The following LMTK3 variants were observed in gnomAD, a reference collection of about 807,000 sequenced individuals.
LMTK3 encodes serine/threonine-protein kinase LMTK3.
Under a neutral mutation model 116.7 loss-of-function variants are expected in LMTK3, and 27 were observed. The ratio of observed to expected loss-of-function variants is 0.23; its 90% confidence interval spans 0.17 to 0.32. The LOEUF is 0.32. Among genes scored for constraint, LMTK3 ranks in the 10% least tolerant of loss-of-function variants. The pLI is 1.00. For missense variants in LMTK3, 1,764 were observed against 2,068.5 expected (o/e 0.85, Z 2.86); for synonymous variants, 965 against 971.0 (o/e 0.99, Z 0.11).
chr19:48,491,372 G>A lies in LMTK3; in HGVS notation c.4228+32C>T. On this transcript the variant is annotated intron_variant, in intron 13 of 14. Transcript: ENST00000600059. This position sits in a 1 kb window ranked among gnomAD's most constrained non-coding sequence, Gnocchi z 5.1. ...CCGCCCCGTCCGCCCCATGGCTCCC[G>A]CCCCCTCCCGCCCCATAGGGCCCGT... The A allele has an allele frequency of 1.6e-6, 1 of 612,214 alleles. No individual in the cohort carries two copies. The highest frequency in any genetic ancestry group is 2.9e-5 in the South Asian group (1 of 34,060). 37.9% of individuals were successfully genotyped at this position (612,214 alleles called of 1,614,324 possible).
intron 5 of LMTK3, 104 bp from the exon 6 acceptor site, chr19:48,503,100 T>A (rs1466895641): frequency 2.7e-6 from 2 of 730,832 alleles, no homozygotes; most frequent in Non-Finnish European, 4.9e-6. Flanking sequence ...TTTTTTGTTG[T>A]TTTTGTTTGT....
At chr19:48,502,378 A>G (rs1601053033) in intron 7 of LMTK3, 55 bp downstream of exon 7, 1 of 1,516,858 alleles carries the variant, frequency 6.6e-7, no homozygotes, top group Non-Finnish European at 8.9e-7. Context: ...CTGAGGCCTC[A>G]CCTCCTTCCC....
rs1489083173 is a variant in LMTK3, at chr19:48,499,614, C to G, written c.1455G>C (p.Arg485=). 1.9e-6 allele frequency: 3 copies of G among 1,541,022 alleles called. No homozygotes were observed. The East Asian group carries it at 7.4e-5, about 38-fold the overall frequency. ...CCCCCCCACCCCGGCCGGCCCCACGCCGGGCCTTCTCCCACAGGCACTCGA... is the reference window on the plus strand; with the variant it reads ...CCCCCCCACCCCGGCCGGCCCCACGGCGGGCCTTCTCCCACAGGCACTCGA... ...LNLECLWEKA[R]RGAGRGGGAP... is the part of the protein sequence containing the mutation. The change falls in exon 11 of 15, where the codon CGG becomes CGC. Residue 485 remains arginine, a synonymous_variant. Transcript: ENST00000600059.
At chr19:48,492,528 C>A (rs374444170) in intron 12 of LMTK3, among the ~76,000 whole-genome samples, 7 of 152,126 alleles carry the variant, frequency 4.6e-5, no homozygotes, top group Admixed American at 6.5e-5. Context: ...TCTAAAGACC[C>A]GTCCCAGTCG....
chr19:48,487,621 G>A lies in LMTK3; in HGVS notation c.4367-1832C>T, dbSNP rs147848436. Reference sequence around the variant, plus strand: ...TTCCCTGTGGAAAGAGCTCTCCCCAGGAACTCCGACCAAACTTTCCTATGA... The same window carrying A: ...TTCCCTGTGGAAAGAGCTCTCCCCAAGAACTCCGACCAAACTTTCCTATGA... On this transcript the variant is annotated intron_variant, in intron 14 of 14. Coordinates refer to ENST00000600059, the MANE Select transcript of LMTK3 (RefSeq NM_001388485.1). Among the ~76,000 whole-genome samples, 19 of 152,232 alleles carry A rather than the reference G, an allele frequency of 1.2e-4. No individual in the cohort carries two copies. The East Asian group carries it at 3.7e-3, about 29-fold the overall frequency.
chr19:48,488,064 A>T (rs886829426), intron 14 of LMTK3, among the ~76,000 whole-genome samples: 6 of 152,048 alleles, frequency 3.9e-5, no homozygotes, highest in African/African-American at 9.7e-5. Context: ...GAGCGAAAGG[A>T]TTTGGGGTTT....
chr19:48,509,331 G>T, intron 4 of LMTK3, 106 bp downstream of exon 4: 1 of 1,019,396 alleles, frequency 9.8e-7, no homozygotes, highest in Non-Finnish European at 1.5e-6. Context: ...GGCATGGGGA[G>T]GAGGCGAGGG....
chr19:48,492,654 A>T (rs1601042420), intron 12 of LMTK3, among the ~76,000 whole-genome samples: 1 of 151,980 alleles, frequency 6.6e-6, no homozygotes, highest in African/African-American at 2.4e-5. Context: ...ATCTGCTCCA[A>T]CCCGAACCAG....
Position 48,499,212 on chromosome 19 carries a change from C to A in LMTK3, c.1857G>T (p.Glu619Asp). The A allele has an allele frequency of 2.9e-6, 4 of 1,398,134 alleles. No homozygotes were observed. Among genetic ancestry groups the A allele is most frequent in the Non-Finnish European group, 3.7e-6 (4 of 1,071,018 alleles). 86.6% of individuals were successfully genotyped at this position (1,398,134 alleles called of 1,614,324 possible). The change falls in exon 11 of 15, where the codon GAG becomes GAT. Residue 619 changes from glutamate to aspartate, a missense_variant. Glu to Asp is a conservative substitution (Grantham distance 45). This residue lies in a region of LMTK3 where 1,028 missense variants were observed against 1,050.6 expected (regional missense o/e 0.98). Coordinates refer to ENST00000600059, the MANE Select transcript of LMTK3 (RefSeq NM_001388485.1). ...CCTCGGCAGGGTCTCCCGCCAGGGT[C>A]TCCCCGGCGCCCCGGCCCTCGGGGT... ...GWDPEGRGAG[E>D]TLAGDPAEVL...
Position 48,501,265 on chromosome 19 carries a change from G to T in LMTK3, c.1001+18C>A, listed in dbSNP as rs761265651. The T allele has an allele frequency of 6.8e-6, 11 of 1,611,982 alleles. No homozygotes were observed. The highest frequency in any genetic ancestry group is 1.7e-5 in the Admixed American group (1 of 59,904). On this transcript the variant is annotated intron_variant, in intron 9 of 14. Transcript: ENST00000600059. ...ACCTTCCTGGCCTGCCTCGGCCCCCGCGGCCCGTGGTCCTCACCAGATGTT... is the reference window on the plus strand; with the variant it reads ...ACCTTCCTGGCCTGCCTCGGCCCCCTCGGCCCGTGGTCCTCACCAGATGTT...
upstream of LMTK3, among the ~76,000 whole-genome samples, chr19:48,512,524 C>G (rs2147565714): frequency 6.6e-6 from 1 of 152,256 alleles, no homozygotes; most frequent in Non-Finnish European, 1.5e-5. Context: ...ACAAGTATCA[C>G]ATACATGCAC....
Position 48,493,567 on chromosome 19 carries a change from T to G in LMTK3, c.4092+127A>C. ...GGCCTCCCTTCAGGCCCCGCCCCAC[T>G]CCAGCTCCGCCTCCCTCCAGGCCCC... On this transcript the variant is annotated intron_variant, in intron 12 of 14. Coordinates refer to ENST00000600059, the MANE Select transcript of LMTK3 (RefSeq NM_001388485.1). 7 of 473,648 alleles carry G rather than the reference T, an allele frequency of 1.5e-5. 1 individual carries two copies. The South Asian group carries it at 3.8e-4, about 26-fold the overall frequency. The allele number at this position is 473,648 out of a possible 1,614,324, so 29.3% of individuals were successfully genotyped here. A position where few individuals can be genotyped will look rare whatever the true frequency, so the allele number is the denominator to read the frequency against.
chr19:48,509,344 A>G, intron 4 of LMTK3, 93 bp downstream of exon 4: 1 of 1,181,938 alleles, frequency 8.5e-7, no homozygotes, highest in Non-Finnish European at 1.2e-6. Context: ...GGCGAGGGAC[A>G]GATGAGAAGT....
intron 5 of LMTK3, among the ~76,000 whole-genome samples, chr19:48,505,111 T>C (rs1383144272): frequency 1.6e-5 from 2 of 127,664 alleles, no homozygotes; most frequent in Non-Finnish European, 3.4e-5. Flanking sequence ...CTCTTTTTTT[T>C]TTTTTTTTTT....
chr19:48,512,560 A>G (rs183527810), upstream of LMTK3, among the ~76,000 whole-genome samples: 1 of 152,280 alleles, frequency 6.6e-6, no homozygotes, highest in African/African-American at 2.4e-5. Context: ...ACAGACAGCA[A>G]TTGCACAGAC....
At chr19:48,496,079 AGTT>A (rs758823244) in intron 11 of LMTK3, among the ~76,000 whole-genome samples, 9 of 152,036 alleles carry the variant, frequency 5.9e-5, no homozygotes, top group Non-Finnish European at 1.0e-4. Flanking sequence ...CTTACTGGAA[AGTT>A]GTTGTTTGTT....
Position 48,499,682 on chromosome 19 carries a change from C to T in LMTK3, c.1387G>A (p.Asp463Asn). Residue 463 changes from aspartate (D) to asparagine (N), a missense_variant, in exon 11 of 15, where the codon GAC becomes AAC. Asp to Asn is a conservative substitution (Grantham distance 23, BLOSUM62 1). Coordinates refer to ENST00000600059, the MANE Select transcript of LMTK3 (RefSeq NM_001388485.1). ...LLDGFPGADP[D>N]DVLTVTESSR... ...CTCTCGGTGACCGTGAGCACATCGT[C>T]GGGGTCGGCTCCAGGGAAGCCATCC... 6.5e-7 allele frequency: 1 copy of T among 1,528,834 alleles called. No individual in the cohort carries two copies. The highest frequency in any genetic ancestry group is 8.8e-7 in the Non-Finnish European group (1 of 1,136,892). The allele number at this position is 1,528,834 out of a possible 1,614,324, so 94.7% of individuals were successfully genotyped here.
chr19:48,489,906 C>T (rs778153586), intron 14 of LMTK3, among the ~76,000 whole-genome samples: 16 of 152,218 alleles, frequency 1.1e-4, no homozygotes, highest in Non-Finnish European at 1.8e-4. Context: ...GGCACAAGCC[C>T]TGGGTCCTGG....
At position 48,511,645 on chromosome 19, in the gene LMTK3, C is replaced by G; in HGVS notation, c.-69G>C. 1 of 631,548 alleles carries G rather than the reference C, an allele frequency of 1.6e-6. No individual in the cohort carries two copies. The highest frequency in any genetic ancestry group is 3.6e-5 in the Admixed American group (1 of 27,972). 39.1% of individuals were successfully genotyped at this position (631,548 alleles called of 1,614,324 possible). ...AGGAGGGGGGGGCGGGCCCTCAGCC[C>G]CCAGCCATGGGGACCCGCGCGACCC... On this transcript the variant is annotated 5_prime_UTR_variant, in exon 1 of 15. Coordinates refer to ENST00000600059, the MANE Select transcript of LMTK3 (RefSeq NM_001388485.1).
Sources: allele counts gnomAD v4.1 joint callset (sites outside exome capture counted in the v4.1 genomes callset), GRCh38; gene constraint gnomAD v4.1.1; regional missense constraint gnomAD v4.1.1; non-coding constraint Gnocchi (gnomAD v3.1); transcripts MANE v1.5; gene names NCBI Gene and HGNC (gene_info 2026-07-23, HGNC 2026-07-21).